The following ANKRD34B variants were observed in gnomAD, a reference collection of about 807,000 sequenced individuals.
ANKRD34B encodes the protein ankyrin repeat domain-containing protein 34B.
A neutral mutation model predicts 4.4 loss-of-function variants in ANKRD34B; 2 were observed. The observed-to-expected ratio is 0.46, with a 90% confidence interval of 0.19 to 1.44. The LOEUF (loss-of-function observed/expected upper bound fraction) is 1.44. ANKRD34B is among the 40% of genes most tolerant of loss of function. The probability of loss-of-function intolerance (pLI) is 0.26; values close to 1 mark genes in which losing one functional copy is unlikely to be tolerated. For synonymous variants in ANKRD34B, 226 were observed against 227.1 expected (o/e 0.99, Z 0.05); for missense variants, 558 against 604.7 (o/e 0.92, Z 0.81).
intron 4 of ANKRD34B, among the ~76,000 whole-genome samples, chr5:80,562,610 C>T (rs1476308992): frequency 1.3e-5 from 2 of 152,228 alleles, no homozygotes; most frequent in African/African-American, 2.4e-5. Flanking sequence ...ATAGTGTTCT[C>T]TCAAGAATCT....
Position 80,558,605 on chromosome 5 carries a change from A to T in ANKRD34B, c.1415T>A (p.Leu472His), listed in dbSNP as rs376762021. The part of the protein sequence containing the change: ...DINVNNKICS[L>H]LSCGQKVLMP... ...AAGCACTTTTTGACCACAAGAAAGA[A>T]GGCTGCAAATCTTGTTGTTGACATT... is the stretch of plus-strand genomic sequence containing the variant. Residue 472 changes from leucine to histidine, a missense_variant, in exon 5 of 5, where the codon CTT becomes CAT. By Grantham distance (99) the Leu-to-His change is moderately conservative. Transcript: ENST00000338682. 9.7e-5 allele frequency: 156 copies of T among 1,614,100 alleles called. No homozygotes were observed. Among genetic ancestry groups the T allele is most frequent in the Non-Finnish European group, 1.4e-5 (16 of 1,179,926 alleles).
rs1038835546 is a variant in ANKRD34B, at chr5:80,566,740, G to A, written c.-156C>T. On this transcript the variant is annotated 5_prime_UTR_variant, in exon 3 of 5. Transcript: ENST00000338682. Reference sequence around the variant, plus strand: ...CTTCACTTTTGTCTCTTCTCTCCCTGGATAAGTTTTCTGTCAGCCAGCTGT... The same window carrying A: ...CTTCACTTTTGTCTCTTCTCTCCCTAGATAAGTTTTCTGTCAGCCAGCTGT... The A allele has an allele frequency of 6.6e-6, 1 of 152,564 alleles. No homozygotes were observed. Among genetic ancestry groups the A allele is most frequent in the African/African-American group, 2.4e-5 (1 of 41,396 alleles). 9.5% of individuals were successfully genotyped at this position (152,564 alleles called of 1,614,324 possible).
Position 80,559,848 on chromosome 5 carries a change from G to T in ANKRD34B, c.172C>A (p.His58Asn). 3 of 1,614,238 alleles carry T rather than the reference G, an allele frequency of 1.9e-6. No individual in the cohort carries two copies. Among genetic ancestry groups the T allele is most frequent in the Non-Finnish European group, 2.5e-6 (3 of 1,180,042 alleles). The change falls in exon 5 of 5, where the codon CAC (histidine) becomes AAC (asparagine). Residue 58 changes from histidine (H) to asparagine (N), a missense_variant. Transcript: ENST00000338682. ...ATTTTGGCTTTACTGACACTCTGGT[G>T]ATCGACATGTTTGGTCTTACAAGCG... The part of the protein sequence containing the change: ...MIACKTKHVD[H>N]QSVSKAKMVK...
intron 3 of ANKRD34B, among the ~76,000 whole-genome samples, chr5:80,565,192 CTTTT>C (rs1394915233): frequency 2.0e-5 from 3 of 152,200 alleles, no homozygotes; most frequent in African/African-American, 7.2e-5. Flanking sequence ...TCCAGGGGTT[CTTTT>C]ATCTCACCTT....
chr5:80,562,589 G>C (rs1474229349), intron 4 of ANKRD34B, among the ~76,000 whole-genome samples: 2 of 152,184 alleles, frequency 1.3e-5, no homozygotes, highest in East Asian at 3.9e-4. Context: ...AGCCCTCAGG[G>C]ATAAATTGCT....
At position 80,559,636 on chromosome 5, in the gene ANKRD34B, T is replaced by C; in HGVS notation, c.384A>G (p.Ser128=). ...SYSALVYAIN[S]EDTETLKVLL... ...GAACTTTCAGGGTCTCTGTATCTTCTGAATTTATAGCATAAACAAGAGCTG... is the reference window on the plus strand; with the variant it reads ...GAACTTTCAGGGTCTCTGTATCTTCCGAATTTATAGCATAAACAAGAGCTG... The change falls in exon 5 of 5, where the codon TCA becomes TCG. Residue 128 remains serine (S), a synonymous_variant. Coordinates refer to ENST00000338682, the MANE Select transcript of ANKRD34B (RefSeq NM_001004441.3). The C allele has an allele frequency of 6.2e-7, 1 of 1,614,206 alleles. No homozygotes were observed. The highest frequency in any genetic ancestry group is 8.5e-7 in the Non-Finnish European group (1 of 1,180,044).
chr5:80,564,879 A>C (rs1056747573), intron 3 of ANKRD34B, among the ~76,000 whole-genome samples: 6 of 151,720 alleles, frequency 4.0e-5, no homozygotes, highest in African/African-American at 1.5e-4. Context: ...CTAATTTTGT[A>C]TTTTTAGTAG....
intron 4 of ANKRD34B, among the ~76,000 whole-genome samples, chr5:80,562,397 TG>T (rs1160771879): frequency 6.6e-6 from 1 of 152,124 alleles, no homozygotes; most frequent in East Asian, 1.9e-4. Context: ...TCCCGCTCTC[TG>T]GGATGTCTAG....
At position 80,558,864 on chromosome 5, in the gene ANKRD34B, C is replaced by A; in HGVS notation, c.1156G>T (p.Asp386Tyr). The part of the protein sequence containing the change: ...SAGLTPPTSE[D>Y]GKALIGKKKI... ...TTCTTTCCTATAAGTGCTTTGCCGT[C>A]TTCTGAAGTTGGAGGGGTAAGGCCA... Residue 386 changes from aspartate to tyrosine, a missense_variant, in exon 5 of 5, where the codon GAC (aspartate) becomes TAC (tyrosine). By Grantham distance (160) the Asp-to-Tyr change is radical (BLOSUM62 -3). Coordinates refer to ENST00000338682, the MANE Select transcript of ANKRD34B (RefSeq NM_001004441.3). 8 of 1,614,016 alleles carry A rather than the reference C, an allele frequency of 5.0e-6. No individual in the cohort carries two copies. Among genetic ancestry groups the A allele is most frequent in the Non-Finnish European group, 6.8e-6 (8 of 1,180,022 alleles).
intron 1 of ANKRD34B, among the ~76,000 whole-genome samples, 164 bp downstream of exon 1, chr5:80,569,990 G>T (rs889394433): frequency 5.3e-5 from 8 of 152,220 alleles, no homozygotes; most frequent in Admixed American, 6.5e-5. Flanking sequence ...CAGGGTGAGC[G>T]GGAGGTGCGG....
At chr5:80,568,739 T>C (rs973086487) in intron 2 of ANKRD34B, among the ~76,000 whole-genome samples, 1 of 152,074 alleles carries the variant, frequency 6.6e-6, no homozygotes, top group African/African-American at 2.4e-5. Flanking sequence ...ATTTAGAAAC[T>C]GTCCAAGGAG....
intron 4 of ANKRD34B, among the ~76,000 whole-genome samples, chr5:80,560,704 A>C (rs1197508394): frequency 6.6e-6 from 1 of 152,174 alleles, no homozygotes. Context: ...AGTAAACTTA[A>C]GCCAAAAAGC....
At chr5:80,562,727 T>C (rs1158835183) in intron 4 of ANKRD34B, among the ~76,000 whole-genome samples, 2 of 152,136 alleles carry the variant, frequency 1.3e-5, no homozygotes, top group African/African-American at 4.8e-5. Flanking sequence ...AACATTAAAC[T>C]TGTCAGGGAA....
chr5:80,557,575 A>G lies in ANKRD34B; in HGVS notation c.*900T>C, dbSNP rs1283819707. The G allele has an allele frequency of 6.6e-6, 1 of 151,928 alleles. No homozygotes were observed. Among genetic ancestry groups the G allele is most frequent in the Non-Finnish European group, 1.5e-5 (1 of 67,968 alleles). The allele number at this position is 151,928 out of a possible 1,614,324, so 9.4% of individuals were successfully genotyped here. A position where few individuals can be genotyped will look rare whatever the true frequency, so the allele number is the denominator to read the frequency against. ...TTTTTTTTGGTTCTTTTTGAAAGAC[A>G]AGAATAATTTGATATAAGTAAAGAG... On this transcript the variant is annotated 3_prime_UTR_variant, in exon 5 of 5. Transcript: ENST00000338682.
rs926362475 is a variant in ANKRD34B, at chr5:80,559,453, T to C, written c.567A>G (p.Ile189Met). Residue 189 changes from isoleucine to methionine, a missense_variant, in exon 5 of 5, where the codon ATA becomes ATG. Transcript: ENST00000338682. ...GTGGCGATGAGGCAGTTTTGATGTC[T>C]ATTTCTGAAGGAGTGGTGCAGGTAG... ...SPATCTTPSE[I>M]DIKTASSPLS... 7.4e-6 allele frequency: 12 copies of C among 1,614,116 alleles called. No homozygotes were observed. The highest frequency in any genetic ancestry group is 1.0e-5 in the Non-Finnish European group (12 of 1,180,060).
intron 4 of ANKRD34B, among the ~76,000 whole-genome samples, chr5:80,561,671 TG>T (rs1423160877): frequency 6.6e-6 from 1 of 152,166 alleles, no homozygotes; most frequent in Admixed American, 6.5e-5. Context: ...TTTAACATCC[TG>T]GGGACCAAAA....
At chr5:80,567,608 C>G (rs1469905555) in intron 2 of ANKRD34B, among the ~76,000 whole-genome samples, 2 of 42,934 alleles carry the variant, frequency 4.7e-5, no homozygotes, top group African/African-American at 1.3e-4. Context: ...GTGACAAAAG[C>G]AAGACTCCGT....
In ANKRD34B at chr5:80,559,653, CAA is replaced by C; in HGVS notation, c.365_366del (p.Leu122ArgfsTer17). ...GTATCTTCTGAATTTATAGCATAAA[CAA>C]GAGCTGAGTAACTAGAATGGTCTTG... ...SLQDHSSYSALVYAINSEDTE... is the reference protein window; with the variant it reads ...SLQDHSSYSAXVYAINSEDTE... On this transcript the variant is annotated frameshift_variant, in exon 5 of 5. Coordinates refer to ENST00000338682, the MANE Select transcript of ANKRD34B (RefSeq NM_001004441.3). LOFTEE classifies it low-confidence loss of function (END_TRUNC). 1 of 1,614,164 alleles carries C rather than the reference CAA, an allele frequency of 6.2e-7. No individual in the cohort carries two copies. Among genetic ancestry groups the C allele is most frequent in the Non-Finnish European group, 8.5e-7 (1 of 1,180,040 alleles).
chr5:80,558,658 T>G lies in ANKRD34B; in HGVS notation c.1362A>C (p.Val454=). 1 of 1,614,190 alleles carries G rather than the reference T, an allele frequency of 6.2e-7. No homozygotes were observed. The highest frequency in any genetic ancestry group is 1.7e-5 in the Admixed American group (1 of 60,022). ...TATCTGAGATGGGAGGGTGAGAATT[T>G]ACATTTAAGGGTGGGAGAAACCCTT... ...TRQGFLPPLN[V]NSHPPISDIN... The change falls in exon 5 of 5, where the codon GTA becomes GTC. Residue 454 remains valine, a synonymous_variant. Coordinates refer to ENST00000338682, the MANE Select transcript of ANKRD34B (RefSeq NM_001004441.3).
Sources: allele counts gnomAD v4.1 joint callset (sites outside exome capture counted in the v4.1 genomes callset), GRCh38; gene constraint gnomAD v4.1.1; transcripts MANE v1.5; gene names NCBI Gene and HGNC (gene_info 2026-07-23, HGNC 2026-07-21).